WDPCP: variants seen among roughly 807,000 people sequenced by gnomAD.
The protein encoded by WDPCP is WD repeat containing planar cell polarity effector.
WDPCP carries 71 observed loss-of-function variants against 93.1 expected under a neutral mutation model. That is an observed-to-expected ratio of 0.76 (90% CI 0.63 to 0.93). WDPCP has a LOEUF of 0.93. WDPCP is among the 40% of genes least tolerant of loss of function. The pLI is 0.00. For missense variants in WDPCP, 844 were observed against 887.4 expected (o/e 0.95, Z 0.62); for synonymous variants, 315 against 315.0 (o/e 1.00, Z 0.00).
intron 1 of WDPCP, among the ~76,000 whole-genome samples, chr2:63,824,537 CAAAAAA>C (rs70965144): frequency 1.2e-5 from 1 of 85,330 alleles, no homozygotes; most frequent in South Asian, 4.7e-4. Flanking sequence ...GACCATGTTT[CAAAAAA>C]AAAAAAAAAA....
intron 9 of WDPCP, among the ~76,000 whole-genome samples, chr2:63,407,411 G>C (rs1445966446): frequency 6.6e-6 from 1 of 152,150 alleles, no homozygotes; most frequent in Admixed American, 6.5e-5. Context: ...AATCAGATGA[G>C]AGGCTGTAAG....
intron 2 of WDPCP, among the ~76,000 whole-genome samples, chr2:63,661,202 G>A (rs1455419566): frequency 6.6e-6 from 1 of 152,188 alleles, no homozygotes; most frequent in Admixed American, 6.5e-5. Flanking sequence ...TCACAAGGCT[G>A]CAATGAAAGT....
intron 2 of WDPCP, among the ~76,000 whole-genome samples, chr2:63,809,025 C>A (rs2104076349): frequency 6.6e-6 from 1 of 152,052 alleles, no homozygotes; most frequent in East Asian, 1.9e-4. Context: ...GCACCTCTAC[C>A]CGGCCGGGAC....
intron 1 of WDPCP, among the ~76,000 whole-genome samples, chr2:63,576,494 C>G (rs1198901684): frequency 6.6e-6 from 1 of 152,204 alleles, no homozygotes; most frequent in Non-Finnish European, 1.5e-5. Flanking sequence ...AGTGCCATGT[C>G]CTCTTTGGGC....
chr2:63,539,288 G>C (rs1704535534), intron 1 of WDPCP, among the ~76,000 whole-genome samples: 2 of 152,106 alleles, frequency 1.3e-5, no homozygotes, highest in African/African-American at 4.8e-5. Flanking sequence ...TTCACTTGAA[G>C]TAAAAATTGT....
chr2:63,451,682 G>C (rs910778309), intron 6 of WDPCP, among the ~76,000 whole-genome samples: 1 of 152,166 alleles, frequency 6.6e-6, no homozygotes, highest in African/African-American at 2.4e-5. Context: ...GAACACTGAT[G>C]CAAAAATCCT....
intron 2 of WDPCP, among the ~76,000 whole-genome samples, chr2:63,665,872 C>G (rs1156493766): frequency 6.6e-6 from 1 of 152,214 alleles, no homozygotes; most frequent in Non-Finnish European, 1.5e-5. Context: ...GAAGGCAGAT[C>G]CCTGCATAGC....
At chr2:63,573,255 A>C (rs1175398172) in intron 1 of WDPCP, among the ~76,000 whole-genome samples, 2 of 151,880 alleles carry the variant, frequency 1.3e-5, no homozygotes, top group Non-Finnish European at 2.9e-5. Context: ...AAAAAAAAAA[A>C]AAAAAGGATT....
chr2:63,231,343 G>GA (rs1375235692), intron 14 of WDPCP, among the ~76,000 whole-genome samples: 1 of 152,154 alleles, frequency 6.6e-6, no homozygotes, highest in Non-Finnish European at 1.5e-5. Flanking sequence ...AATCAGGCAA[G>GA]AGAAGGAAAT....
intron 2 of WDPCP, among the ~76,000 whole-genome samples, chr2:63,764,481 T>C (rs1166449512): frequency 6.6e-6 from 1 of 152,162 alleles, no homozygotes; most frequent in Non-Finnish European, 1.5e-5. Context: ...AAGACCAAAA[T>C]GTCAACTGAG....
At chr2:63,602,944 T>TTTTTG in intron 3 of WDPCP, among the ~76,000 whole-genome samples, 2 of 3,062 alleles carry the variant, frequency 6.5e-4, no homozygotes, top group Non-Finnish European at 8.7e-4. Context: ...CTTTTTTTTT[T>TTTTTG]TTTTTTTTTT....
At chr2:63,628,498 A>G (rs1484242484) in intron 3 of WDPCP, among the ~76,000 whole-genome samples, 3 of 152,236 alleles carry the variant, frequency 2.0e-5, no homozygotes, top group South Asian at 4.1e-4. Context: ...TTTAAAAAGC[A>G]TAAGTTTCAA....
intron 2 of WDPCP, among the ~76,000 whole-genome samples, chr2:63,691,480 CA>C (rs1171348064): frequency 6.6e-6 from 1 of 152,010 alleles, no homozygotes; most frequent in Non-Finnish European, 1.5e-5. Context: ...ACTAAAAACA[CA>C]AAAATCAGCT....
intron 3 of WDPCP, among the ~76,000 whole-genome samples, chr2:63,617,563 T>C (rs1039167352): frequency 6.6e-6 from 1 of 152,136 alleles, no homozygotes; most frequent in African/African-American, 2.4e-5. Flanking sequence ...GGTTTGGGGC[T>C]GCTCAGGGGT....
chr2:63,331,368 G>T (rs889069404), intron 12 of WDPCP, among the ~76,000 whole-genome samples: 2 of 152,108 alleles, frequency 1.3e-5, no homozygotes, highest in Admixed American at 6.6e-5. Flanking sequence ...AGACTGGGAG[G>T]ATATATTATC....
In WDPCP at chr2:63,381,924, G is replaced by A; in HGVS notation, c.1606C>T (p.Leu536Phe). The change falls in exon 11 of 18, where the codon CTC (leucine) becomes TTC (phenylalanine). Residue 536 changes from leucine to phenylalanine, a missense_variant. By Grantham distance (22) the Leu-to-Phe change is conservative. Transcript: ENST00000272321. ...AIVNHLLRQK[L>F]TPEREAQLET... The stretch of plus-strand genomic sequence containing the variant: ...GTCTGACCTTCTCTCTCTGGAGTGA[G>A]CTTCTGTCTAAGAAGATGGTTTACA... 1 of 1,613,422 alleles carries A rather than the reference G, an allele frequency of 6.2e-7. No individual in the cohort carries two copies. The highest frequency in any genetic ancestry group is 8.5e-7 in the Non-Finnish European group (1 of 1,179,652).
chr2:63,832,500 G>A (rs940751325), upstream of WDPCP, among the ~76,000 whole-genome samples: 3 of 152,140 alleles, frequency 2.0e-5, no homozygotes, highest in Non-Finnish European at 4.4e-5. Context: ...AGGGGCACAG[G>A]GATGGGAAGA....
chr2:63,785,033 A>G (rs1575772495), intron 2 of WDPCP, among the ~76,000 whole-genome samples: 1 of 152,324 alleles, frequency 6.6e-6, no homozygotes, highest in African/African-American at 2.4e-5. Flanking sequence ...ATAAATGACA[A>G]TTACTGTTAA....
intron 3 of WDPCP, among the ~76,000 whole-genome samples, chr2:63,615,027 T>C (rs538285132): frequency 6.6e-6 from 1 of 152,332 alleles, no homozygotes; most frequent in South Asian, 2.1e-4. Flanking sequence ...CCTGTTTTTG[T>C]TATAGTGAGA....
Sources: gnomAD v4.1 joint callset for allele counts (sites outside exome capture counted in the v4.1 genomes callset) on GRCh38, gnomAD v4.1.1 for gene constraint, MANE v1.5 for transcripts, NCBI Gene and HGNC (gene_info 2026-07-23, HGNC 2026-07-21) for gene names.